Variants in LRRC49 observed in about 807,000 individuals in gnomAD.
LRRC49 encodes leucine rich repeat containing 49.
Under a neutral mutation model 83.3 loss-of-function variants are expected in LRRC49, and 50 were observed. The observed-to-expected ratio is 0.60, with a 90% CI of 0.48 to 0.76. The LOEUF is 0.76. Among genes scored for constraint, LRRC49 ranks in the 30% least tolerant of loss-of-function variants. LRRC49 has a pLI of 0.00. For missense variants in LRRC49, 704 were observed against 809.1 expected, an observed-to-expected ratio of 0.87 and a Z score of 1.58; for synonymous variants, 286 against 283.3, an observed-to-expected ratio of 1.01 and a Z score of -0.10.
chr15:70,997,795 G>T (rs2038125248), intron 11 of LRRC49, among the ~76,000 whole-genome samples: 1 of 152,050 alleles, frequency 6.6e-6, no homozygotes, highest in Non-Finnish European at 1.5e-5. Flanking sequence ...TTTTAATTTG[G>T]GTAGTTTAAT....
chr15:71,033,366 C>T (rs1268800464), intron 14 of LRRC49, among the ~76,000 whole-genome samples: 16 of 150,958 alleles, frequency 1.1e-4, no homozygotes, highest in Admixed American at 1.1e-3. Flanking sequence ...AACTACAAAT[C>T]ACTGCTGAAG....
chr15:70,977,382 C>T (rs1221076028), intron 9 of LRRC49, among the ~76,000 whole-genome samples: 1 of 152,170 alleles, frequency 6.6e-6, no homozygotes. Context: ...TGGTGGCTCA[C>T]GCCTGTAATT....
intron 5 of LRRC49, among the ~76,000 whole-genome samples, chr15:70,909,383 A>C (rs2034452265): frequency 6.6e-6 from 1 of 152,166 alleles, no homozygotes; most frequent in Non-Finnish European, 1.5e-5. Flanking sequence ...CCACTGTTTT[A>C]GGGAATGTGA....
At chr15:70,994,789 A>C (rs1228536419) in intron 11 of LRRC49, among the ~76,000 whole-genome samples, 1 of 152,184 alleles carries the variant, frequency 6.6e-6, no homozygotes, top group East Asian at 1.9e-4. Context: ...GTGAACTTTA[A>C]AATCAGTTTA....
intron 6 of LRRC49, among the ~76,000 whole-genome samples, chr15:70,912,529 T>A (rs1329052042): frequency 1.3e-5 from 2 of 152,110 alleles, no homozygotes; most frequent in African/African-American, 4.8e-5. Flanking sequence ...GACTTCTTAA[T>A]TTTTTTCTGA....
intron 11 of LRRC49, among the ~76,000 whole-genome samples, chr15:71,006,530 C>G (rs1015967902): frequency 6.6e-6 from 1 of 152,104 alleles, no homozygotes; most frequent in Non-Finnish European, 1.5e-5. Context: ...TTTACTGAAA[C>G]TATAGCTTAT....
chr15:70,896,838 C>A (rs2033860667), intron 3 of LRRC49, among the ~76,000 whole-genome samples: 1 of 152,028 alleles, frequency 6.6e-6, no homozygotes, highest in South Asian at 2.1e-4. Flanking sequence ...CTTCTTGGAC[C>A]CATCTAATCT....
chr15:70,896,042 A>T (rs1400508795), intron 3 of LRRC49, 106 bp downstream of exon 3: 1 of 684,086 alleles, frequency 1.5e-6, no homozygotes, highest in Non-Finnish European at 2.3e-6. Flanking sequence ...ATTTAAAATG[A>T]AATTGTTCAT....
intron 1 of LRRC49, among the ~76,000 whole-genome samples, chr15:70,869,603 G>A (rs761197031): frequency 2.0e-4 from 31 of 152,136 alleles, no homozygotes; most frequent in Admixed American, 5.2e-4. Flanking sequence ...CTACAGATCC[G>A]CTGCTTTATC....
At chr15:71,021,099 G>T (rs1201601005) in intron 14 of LRRC49, among the ~76,000 whole-genome samples, 1 of 152,144 alleles carries the variant, frequency 6.6e-6, no homozygotes, top group Non-Finnish European at 1.5e-5. Flanking sequence ...ACAAATTTAT[G>T]TTGGGCCACG....
chr15:70,916,916 G>T (rs560502781), intron 6 of LRRC49, among the ~76,000 whole-genome samples: 1 of 152,208 alleles, frequency 6.6e-6, no homozygotes, highest in Non-Finnish European at 1.5e-5. Flanking sequence ...TGGGGACGCA[G>T]AAAGTACCCC....
intron 14 of LRRC49, among the ~76,000 whole-genome samples, chr15:71,030,983 C>T (rs1479418560): frequency 6.6e-6 from 1 of 151,976 alleles, no homozygotes; most frequent in African/African-American, 2.4e-5. Flanking sequence ...TGTTATTACC[C>T]ATCTTCTGAA....
At chr15:70,896,437 A>G (rs1414103028) in intron 3 of LRRC49, among the ~76,000 whole-genome samples, 2 of 152,072 alleles carry the variant, frequency 1.3e-5, no homozygotes, top group Non-Finnish European at 2.9e-5. Context: ...CATCTTCCCC[A>G]TTCTGATTTT....
At chr15:70,998,791 T>A (rs1486941113) in intron 11 of LRRC49, among the ~76,000 whole-genome samples, 1 of 151,964 alleles carries the variant, frequency 6.6e-6, no homozygotes, top group African/African-American at 2.4e-5. Context: ...TTCTCTCATG[T>A]CTGTGCTTCC....
chr15:70,870,224 A>C (rs535150312), intron 1 of LRRC49, among the ~76,000 whole-genome samples: 1 of 152,382 alleles, frequency 6.6e-6, no homozygotes, highest in African/African-American at 2.4e-5. Context: ...ATTTATAAAC[A>C]TGAAGATTGG....
chr15:70,988,766 G>A (rs1596106618), intron 11 of LRRC49, among the ~76,000 whole-genome samples: 1 of 152,228 alleles, frequency 6.6e-6, no homozygotes, highest in East Asian at 1.9e-4. Flanking sequence ...ATTTTGCAGT[G>A]GCTGGTACCG....
At chr15:70,967,794 G>C (rs1054122035) in intron 9 of LRRC49, among the ~76,000 whole-genome samples, 26 of 152,062 alleles carry the variant, frequency 1.7e-4, no homozygotes, top group Admixed American at 6.6e-5. Flanking sequence ...TCTGTTCCAG[G>C]AGAATGTTAT....
chr15:70,924,280 T>A (rs1596025565), intron 7 of LRRC49, among the ~76,000 whole-genome samples: 1 of 151,972 alleles, frequency 6.6e-6, no homozygotes, highest in East Asian at 1.9e-4. Flanking sequence ...TCTGTCTTAT[T>A]ACCAGAGACT....
At chr15:70,942,955 C>A (rs2035876326) in intron 8 of LRRC49, among the ~76,000 whole-genome samples, 1 of 152,120 alleles carries the variant, frequency 6.6e-6, no homozygotes, top group Non-Finnish European at 1.5e-5. Context: ...AAGTTCTTAT[C>A]TACTAATTCC....
Sources: gnomAD v4.1 joint callset for allele counts (sites outside exome capture counted in the v4.1 genomes callset) on GRCh38, gnomAD v4.1.1 for gene constraint, MANE v1.5 for transcripts, NCBI Gene and HGNC (gene_info 2026-07-23, HGNC 2026-07-21) for gene names.